Variants in AKAP9 observed in about 807,000 individuals in gnomAD.
AKAP9 encodes the protein A-kinase anchor protein 9.
AKAP9 carries 311 observed loss-of-function variants against 488.5 expected under a neutral mutation model. The ratio of observed to expected loss-of-function variants is 0.64; its 90% confidence interval spans 0.58 to 0.70. The LOEUF is 0.70. AKAP9 is among the 30% of genes least tolerant of loss of function. The pLI is 0.00. For synonymous variants in AKAP9, 1,462 were observed against 1,483.5 expected (o/e 0.99, Z 0.33); for missense variants, 4,215 against 4,374.5 (o/e 0.96, Z 1.03).
intron 1 of AKAP9, among the ~76,000 whole-genome samples, chr7:91,955,597 A>G (rs577237942): frequency 6.6e-6 from 1 of 152,312 alleles, no homozygotes; most frequent in African/African-American, 2.4e-5. Context: ...TCTGCATAGT[A>G]TTCCATTATA....
chr7:92,043,332 T>C (rs1340951201), intron 20 of AKAP9: 1 of 984,992 alleles, frequency 1.0e-6, no homozygotes, highest in Non-Finnish European at 1.2e-6. Flanking sequence ...CATTGGATCA[T>C]CAGTATGGAA....
At chr7:91,945,701 T>A (rs1195334826) in intron 1 of AKAP9, among the ~76,000 whole-genome samples, 1 of 152,140 alleles carries the variant, frequency 6.6e-6, no homozygotes, top group Non-Finnish European at 1.5e-5. Flanking sequence ...AAGTAAATAT[T>A]TTCAGAGCTG....
In AKAP9 at chr7:92,083,326, A is replaced by G; in HGVS notation, c.8317A>G (p.Lys2773Glu). ...KACMFEPLPIKLSKSIASQTD... is the reference protein window; with the variant it reads ...KACMFEPLPIELSKSIASQTD... ...CTGCATGTTTGAGCCACTTCCTATA[A>G]AACTGAGTAAGAGCATTGCATCCCA... The change falls in exon 33 of 50, where the codon AAA becomes GAA. Residue 2773 changes from lysine (K) to glutamate (E), a missense_variant. Lys to Glu is a moderately conservative substitution (Grantham distance 56). Transcript: ENST00000356239. The G allele has an allele frequency of 6.2e-7, 1 of 1,614,128 alleles. No individual in the cohort carries two copies. Among genetic ancestry groups the G allele is most frequent in the Non-Finnish European group, 8.5e-7 (1 of 1,180,030 alleles).
chr7:91,972,033 A>G (rs1018336749), intron 1 of AKAP9, among the ~76,000 whole-genome samples: 2 of 128,336 alleles, frequency 1.6e-5, no homozygotes, highest in Non-Finnish European at 3.1e-5. Flanking sequence ...TTTCAGTACT[A>G]CATAATATAA....
At chr7:91,949,468 A>G (rs566896480) in intron 1 of AKAP9, among the ~76,000 whole-genome samples, 2 of 152,254 alleles carry the variant, frequency 1.3e-5, no homozygotes, top group African/African-American at 4.8e-5. Context: ...TTTTGGCTTG[A>G]TCATTGCCAG....
chr7:92,030,458 T>C (rs1804030381), intron 15 of AKAP9, among the ~76,000 whole-genome samples: 1 of 152,058 alleles, frequency 6.6e-6, no homozygotes, highest in African/African-American at 2.4e-5. Context: ...CTGGCTAACA[T>C]GGTGAAACCC....
intron 3 of AKAP9, among the ~76,000 whole-genome samples, chr7:91,982,242 G>A (rs1033898233): frequency 2.6e-5 from 4 of 152,000 alleles, no homozygotes; most frequent in African/African-American, 7.3e-5. Context: ...TGCACAATGT[G>A]CAGGTTTGTT....
At chr7:91,976,681 T>C (rs1400788619) in intron 2 of AKAP9, among the ~76,000 whole-genome samples, 2 of 152,248 alleles carry the variant, frequency 1.3e-5, no homozygotes, top group Non-Finnish European at 2.9e-5. Context: ...TGGTCTAACA[T>C]ATAGTCATCT....
intron 1 of AKAP9, among the ~76,000 whole-genome samples, chr7:91,948,307 G>A (rs1443564080): frequency 6.6e-6 from 1 of 152,102 alleles, no homozygotes; most frequent in African/African-American, 2.4e-5. Flanking sequence ...GTAGAACTGA[G>A]CAAGGTCATA....
intron 1 of AKAP9, among the ~76,000 whole-genome samples, chr7:91,962,301 G>A (rs1793826490): frequency 6.6e-6 from 1 of 152,202 alleles, no homozygotes; most frequent in South Asian, 2.1e-4. Flanking sequence ...AAAAGTTATT[G>A]TAGATATTAT....
At position 92,031,629 on chromosome 7, in the gene AKAP9, A is replaced by G. The variant is rs755682984; in HGVS notation, c.4338+25A>G. On this transcript the variant is annotated intron_variant, in intron 16 of 49. Coordinates refer to ENST00000356239, the MANE Select transcript of AKAP9 (RefSeq NM_005751.5). The stretch of plus-strand genomic sequence containing the variant: ...GGTAGGCTTATAGCTTATCTGGAAG[A>G]TTATCTTGGTTTATATTCCCTTTGA... 31 of 1,523,520 alleles carry G rather than the reference A, an allele frequency of 2.0e-5. 2 individuals are homozygous for G. In the South Asian group the frequency reaches 3.5e-4, roughly 17 times the overall value. The allele number at this position is 1,523,520 out of a possible 1,614,324, so 94.4% of individuals were successfully genotyped here.
chr7:92,104,192 T>TTA (rs200966958), intron 46 of AKAP9, among the ~76,000 whole-genome samples: 291 of 137,170 alleles, frequency 2.1e-3, no homozygotes, highest in African/African-American at 6.3e-3. Context: ...ATTTATTTAT[T>TTA]TTTTTTTTTT....
At chr7:91,980,655 A>C (rs1468524531) in intron 3 of AKAP9, among the ~76,000 whole-genome samples, 1 of 151,776 alleles carries the variant, frequency 6.6e-6, no homozygotes, top group Admixed American at 6.6e-5. Context: ...AAAATATCAA[A>C]AATTTTTTGA....
At chr7:91,993,459 G>C (rs1219396639) in intron 5 of AKAP9, among the ~76,000 whole-genome samples, 1 of 151,934 alleles carries the variant, frequency 6.6e-6, no homozygotes, top group South Asian at 2.1e-4. Flanking sequence ...CTAAAGAAGG[G>C]GGTTTTAAAA....
intron 5 of AKAP9, among the ~76,000 whole-genome samples, chr7:91,994,362 C>T (rs1798133841): frequency 6.6e-6 from 1 of 151,948 alleles, no homozygotes; most frequent in Non-Finnish European, 1.5e-5. Flanking sequence ...TAGGGGCACC[C>T]CTAAATATAA....
Position 92,093,524 on chromosome 7 carries a change from C to T in AKAP9, c.9578+208C>T, listed in dbSNP as rs554807373. Among the ~76,000 whole-genome samples the T allele has an allele frequency of 1.3e-4, 20 of 152,286 alleles. No homozygotes were observed. In the South Asian group the frequency reaches 3.5e-3, roughly 27 times the overall value. On this transcript the variant is annotated intron_variant, in intron 39 of 49. Coordinates refer to ENST00000356239, the MANE Select transcript of AKAP9 (RefSeq NM_005751.5). Reference sequence around the variant, plus strand: ...GATTATAGCATATTCTCTACTGTGACTTCAGTTCTGTGTGAGACTTGTATG... The same window carrying T: ...GATTATAGCATATTCTCTACTGTGATTTCAGTTCTGTGTGAGACTTGTATG...
intron 25 of AKAP9, 43 bp downstream of exon 25, chr7:92,065,506 G>C (rs11977418): frequency 7.2e-7 from 1 of 1,387,784 alleles, no homozygotes; most frequent in Non-Finnish European, 1.0e-6. Flanking sequence ...TCAGTGGAAT[G>C]TTCTTTGCTA....
chr7:92,100,501 T>C (rs538105190), intron 44 of AKAP9, among the ~76,000 whole-genome samples: 1 of 152,216 alleles, frequency 6.6e-6, no homozygotes, highest in African/African-American at 2.4e-5. Context: ...ATGTACATAC[T>C]GGCTTGTTTT....
intron 14 of AKAP9, among the ~76,000 whole-genome samples, chr7:92,026,417 C>T (rs1004545530): frequency 3.9e-5 from 6 of 152,182 alleles, no homozygotes; most frequent in African/African-American, 1.4e-4. Context: ...TCGCTGCAAC[C>T]TCCCTGCCTC....
Sources: allele counts gnomAD v4.1 joint callset (sites outside exome capture counted in the v4.1 genomes callset), GRCh38; gene constraint gnomAD v4.1.1; transcripts MANE v1.5; gene names NCBI Gene and HGNC (gene_info 2026-07-23, HGNC 2026-07-21).